Variants in PDGFRA observed in about 807,000 individuals in gnomAD.
The protein encoded by PDGFRA is platelet-derived growth factor receptor alpha.
Under a neutral mutation model 121.5 loss-of-function variants are expected in PDGFRA, and 25 were observed. The observed-to-expected ratio is 0.21, with a 90% CI of 0.15 to 0.29. The LOEUF (loss-of-function observed/expected upper bound fraction) is 0.29. PDGFRA is among the 10% of genes least tolerant of loss of function. The pLI is 1.00. For synonymous variants in PDGFRA, 463 were observed against 494.8 expected, an observed-to-expected ratio of 0.94 and a Z score of 0.85; for missense variants, 1,008 against 1,345.1, an observed-to-expected ratio of 0.75 and a Z score of 3.92.
At position 54,295,451 on chromosome 4, in the gene PDGFRA, A is replaced by C; in HGVS notation, c.*179A>C. The stretch of plus-strand genomic sequence containing the variant: ...GAATGAATGGGATATTTTGAAATGA[A>C]CTTTGTCAGTGTTGCCTCTTGCAAT... On this transcript the variant is annotated 3_prime_UTR_variant, in exon 23 of 23. Coordinates refer to ENST00000257290, the MANE Select transcript of PDGFRA (RefSeq NM_006206.6). 4.8e-6 allele frequency: 3 copies of C among 619,670 alleles called. No homozygotes were observed. The highest frequency in any genetic ancestry group is 8.6e-6 in the Non-Finnish European group (3 of 350,392). The allele number at this position is 619,670 out of a possible 1,614,324, so 38.4% of individuals were successfully genotyped here. A position where few individuals can be genotyped will look rare whatever the true frequency, so the allele number is the denominator to read the frequency against.
chr4:54,248,786 C>A (rs11937644), intron 1 of PDGFRA, among the ~76,000 whole-genome samples: 6,665 of 152,110 alleles, frequency 0.044, 501 homozygotes, highest in African/African-American at 0.15. Flanking sequence ...AGGCAACCTA[C>A]AAAATGGGAG....
intron 12 of PDGFRA, chr4:54,277,118 C>A: frequency 2.0e-6 from 1 of 491,392 alleles, no homozygotes; most frequent in African/African-American, 2.0e-5. Flanking sequence ...TGGTAGACAG[C>A]GCGCTCACAC....
Position 54,234,495 on chromosome 4 carries a change from G to A in PDGFRA, c.-13+5080G>A, listed in dbSNP as rs920639457. On this transcript the variant is annotated intron_variant, in intron 1 of 22. Coordinates refer to ENST00000257290, the MANE Select transcript of PDGFRA (RefSeq NM_006206.6). The stretch of plus-strand genomic sequence containing the variant: ...GAATGGGCTTCGCGGAGACCATTAG[G>A]AAGGTGCTTTATTTTTTATTTTTTA... Among the ~76,000 whole-genome samples the A allele has an allele frequency of 2.0e-5, 3 of 152,210 alleles. No homozygotes were observed. The highest frequency in any genetic ancestry group is 7.2e-5 in the African/African-American group (3 of 41,450).
At chr4:54,231,422 T>C (rs1465603906) in intron 1 of PDGFRA, among the ~76,000 whole-genome samples, 1 of 152,166 alleles carries the variant, frequency 6.6e-6, no homozygotes, top group Non-Finnish European at 1.5e-5. Context: ...ACGACAGTCC[T>C]CCGCAGTGCA....
In PDGFRA at chr4:54,296,780, T is replaced by G. The variant is rs918309834; in HGVS notation, c.*1508T>G. 16 of 233,034 alleles carry G rather than the reference T, an allele frequency of 6.9e-5. No individual in the cohort carries two copies. Among genetic ancestry groups the G allele is most frequent in the Non-Finnish European group, 1.3e-4 (15 of 117,978 alleles). 14.4% of individuals were successfully genotyped at this position (233,034 alleles called of 1,614,324 possible). On this transcript the variant is annotated 3_prime_UTR_variant, in exon 23 of 23. Transcript: ENST00000257290. ...AATAATTTGAACTTTGGAACAGGGT[T>G]GGCATTCAACCACGCAGGAAGCCTA...
In PDGFRA at chr4:54,274,561, C is replaced by T. The variant is rs2110296370; in HGVS notation, c.1589C>T (p.Ala530Val). The T allele has an allele frequency of 6.2e-7, 1 of 1,613,882 alleles. No individual in the cohort carries two copies. Among genetic ancestry groups the T allele is most frequent in the Non-Finnish European group, 8.5e-7 (1 of 1,179,808 alleles). The change falls in exon 11 of 23, where the codon GCA (alanine) becomes GTA (valine). Residue 530 changes from alanine (A) to valine (V), a missense_variant. Transcript: ENST00000257290. ...TLRSELTVAA[A>V]VLVLLVIVII... is the part of the protein sequence containing the mutation. ...CGTTCTGAACTCACGGTGGCTGCTG[C>T]AGTCCTGGTGCTGTTGGTGATTGTG... is the stretch of plus-strand genomic sequence containing the variant.
rs1439323793 is a variant in PDGFRA, at chr4:54,232,979, T to C, written c.-13+3564T>C. Among the ~76,000 whole-genome samples the C allele has an allele frequency of 4.6e-5, 7 of 152,266 alleles. No homozygotes were observed. In the East Asian group the frequency reaches 1.2e-3, roughly 25 times the overall value. On this transcript the variant is annotated intron_variant, in intron 1 of 22. Transcript: ENST00000257290. ...CACGGCCGTGCGGCTCTCGTGCCCA[T>C]AGGAGGCGCTGGCGAGCTCCTGTAA... is the stretch of plus-strand genomic sequence containing the variant.
intron 3 of PDGFRA, among the ~76,000 whole-genome samples, chr4:54,262,317 T>A (rs1426149550): frequency 6.6e-6 from 1 of 152,126 alleles, no homozygotes; most frequent in Non-Finnish European, 1.5e-5. Context: ...CACAGCCACC[T>A]CAGCCTCCCA....
chr4:54,276,139 T>C (rs1723706900), intron 12 of PDGFRA, among the ~76,000 whole-genome samples: 1 of 151,934 alleles, frequency 6.6e-6, no homozygotes, highest in Non-Finnish European at 1.5e-5. Context: ...GGCCCCTACC[T>C]AGGAACTGAC....
chr4:54,230,241 G>C (rs932654048), intron 1 of PDGFRA: 1 of 153,312 alleles, frequency 6.5e-6, no homozygotes, highest in Non-Finnish European at 1.4e-5. Flanking sequence ...GGTGCCTGCC[G>C]GGCAGTGTGC....
Position 54,274,955 on chromosome 4 carries a change from A to G in PDGFRA, c.1768A>G (p.Arg590Gly), listed in dbSNP as rs2110300658. The change falls in exon 12 of 23, where the codon AGA becomes GGA. Residue 590 changes from arginine to glycine, a missense_variant. Transcript: ENST00000257290. ...TTATGACTCAAGATGGGAGTTTCCA[A>G]GAGATGGACTAGTGCTTGGTAAGTT... ...LPYDSRWEFP[R>G]DGLVLGRVLG... is the part of the protein sequence containing the mutation. 1 of 1,614,168 alleles carries G rather than the reference A, an allele frequency of 6.2e-7. No homozygotes were observed. Among genetic ancestry groups the G allele is most frequent in the South Asian group, 1.1e-5 (1 of 91,086 alleles).
intron 1 of PDGFRA, among the ~76,000 whole-genome samples, chr4:54,241,596 C>A (rs1040797018): frequency 2.6e-5 from 4 of 151,786 alleles, no homozygotes; most frequent in African/African-American, 4.8e-5. Context: ...GTTGCCCAGG[C>A]TGGAGTGCAA....
At chr4:54,288,929 G>A (rs753439711) in intron 20 of PDGFRA, 31 bp downstream of exon 20, 4 of 1,563,148 alleles carry the variant, frequency 2.6e-6, no homozygotes, top group Non-Finnish European at 3.5e-6. Flanking sequence ...GGGGGCCTGT[G>A]TTCACAGTCT....
Position 54,288,822 on chromosome 4 carries a change from A to G in PDGFRA, c.2698A>G (p.Met900Val). The G allele has an allele frequency of 6.2e-7, 1 of 1,612,772 alleles. No homozygotes were observed. The highest frequency in any genetic ancestry group is 8.5e-7 in the Non-Finnish European group (1 of 1,178,742). Residue 900 changes from methionine (M) to valine (V), a missense_variant, in exon 20 of 23, where the codon ATG (methionine) becomes GTG (valine). Around this residue, in one of 5 missense-constraint regions of PDGFRA, gnomAD observed 204 missense variants for 243.0 expected, o/e 0.84. Transcript: ENST00000257290. ...SLGGTPYPGM[M>V]VDSTFYNKIK... ...AGGTGGCACCCCTTACCCCGGCATG[A>G]TGGTGGATTCTACTTTCTACAATAA...
At chr4:54,256,006 C>A (rs1722344866) in intron 1 of PDGFRA, among the ~76,000 whole-genome samples, 1 of 152,010 alleles carries the variant, frequency 6.6e-6, no homozygotes, top group South Asian at 2.1e-4. Context: ...GAGGATGAGG[C>A]CTGCTGGGCT....
At chr4:54,264,126 C>T in intron 4 of PDGFRA, 199 bp downstream of exon 4, 1 of 599,270 alleles carries the variant, frequency 1.7e-6, no homozygotes, top group Non-Finnish European at 2.9e-6. Context: ...GCTTGATTAC[C>T]CATGCAAGAT....
chr4:54,232,517 G>T (rs1720743373), intron 1 of PDGFRA, among the ~76,000 whole-genome samples: 2 of 152,240 alleles, frequency 1.3e-5, no homozygotes, highest in Admixed American at 6.5e-5. Flanking sequence ...GACAAGCGCG[G>T]GTGGGCGCGG....
chr4:54,273,871 G>A, intron 10 of PDGFRA, 141 bp downstream of exon 10: 1 of 719,696 alleles, frequency 1.4e-6, no homozygotes. Flanking sequence ...AAGTCATGTG[G>A]GACTTTGTTT....
At chr4:54,229,928 G>C (rs917392699) in intron 1 of PDGFRA, 2 of 142,154 alleles carry the variant, frequency 1.4e-5, no homozygotes, top group Admixed American at 1.4e-4. Flanking sequence ...GCGGCTGGGG[G>C]ACCAGGGGGA....
Sources: gnomAD v4.1 joint callset for allele counts (sites outside exome capture counted in the v4.1 genomes callset) on GRCh38, gnomAD v4.1.1 for gene constraint, gnomAD v4.1.1 regional missense constraint, MANE v1.5 for transcripts, NCBI Gene and HGNC (gene_info 2026-07-23, HGNC 2026-07-21) for gene names.